Variants in CNST observed in about 807,000 individuals in gnomAD.
CNST encodes consortin.
In CNST, 39 loss-of-function variants were observed where a neutral mutation model predicts 72.4. The ratio of observed to expected loss-of-function variants is 0.54; its 90% CI spans 0.42 to 0.70. The LOEUF is 0.70. CNST is among the 30% of genes least tolerant of loss of function. The probability of loss-of-function intolerance (pLI) is 0.00; values close to 1 mark genes in which losing one functional copy is unlikely to be tolerated. For synonymous variants in CNST, 332 were observed against 320.1 expected, an observed-to-expected ratio of 1.04 and a Z score of -0.40; for missense variants, 871 against 868.5, an observed-to-expected ratio of 1.00 and a Z score of -0.04.
At chr1:246,624,117 A>C (rs1467548311) in intron 3 of CNST, among the ~76,000 whole-genome samples, 2 of 152,184 alleles carry the variant, frequency 1.3e-5, no homozygotes, top group Non-Finnish European at 2.9e-5. Context: ...GAAAATGTAT[A>C]CTTTTACAAA....
intron 2 of CNST, among the ~76,000 whole-genome samples, chr1:246,598,421 C>T (rs2103034926): frequency 6.6e-6 from 1 of 152,146 alleles, no homozygotes; most frequent in South Asian, 2.1e-4. Context: ...TTAATACTGT[C>T]TCTTTTCAGA....
At chr1:246,608,299 C>A (rs539900844) in intron 2 of CNST, among the ~76,000 whole-genome samples, 1 of 152,276 alleles carries the variant, frequency 6.6e-6, no homozygotes, top group African/African-American at 2.4e-5. Context: ...ATGATCCTGC[C>A]ACTGTACTGT....
At chr1:246,598,870 G>A (rs1401798571) in intron 2 of CNST, among the ~76,000 whole-genome samples, 2 of 152,250 alleles carry the variant, frequency 1.3e-5, no homozygotes, top group Non-Finnish European at 2.9e-5. Context: ...GTAGATAGAC[G>A]GACAGTTTAA....
At chr1:246,605,544 A>G (rs2103046449) in intron 2 of CNST, among the ~76,000 whole-genome samples, 1 of 152,248 alleles carries the variant, frequency 6.6e-6, no homozygotes, top group East Asian at 1.9e-4. Context: ...GCGCCACATG[A>G]GGACGGGGCA....
chr1:246,646,279 C>CAAA (rs550697329), intron 8 of CNST, among the ~76,000 whole-genome samples: 7,332 of 99,272 alleles, frequency 0.074, 383 homozygotes, highest in Middle Eastern at 0.14. Context: ...AACTCCGTCT[C>CAAA]AAAAAAAAAA....
chr1:246,568,307 A>T (rs1659850499), intron 1 of CNST, among the ~76,000 whole-genome samples: 1 of 152,078 alleles, frequency 6.6e-6, no homozygotes, highest in Non-Finnish European at 1.5e-5. Context: ...GAGTGTTATT[A>T]TTTTCTCTTG....
rs939744092 is a variant in CNST, at chr1:246,645,504, A to T, written c.938-1635A>T. Among the ~76,000 whole-genome samples, 30 of 143,554 alleles carry T rather than the reference A, an allele frequency of 2.1e-4. 1 individual carries two copies. In the South Asian group the frequency reaches 3.4e-3, roughly 16 times the overall value. 94.2% of individuals were successfully genotyped at this position (143,554 alleles called of 152,430 possible). A position where few individuals can be genotyped will look rare whatever the true frequency, so the allele number is the denominator to read the frequency against. On this transcript the variant is annotated intron_variant, in intron 8 of 10. Transcript: ENST00000366513. ...GTGCAGTGGCGCAATCTCGGCTCAC[A>T]GCAAGCTCCGCCTCCCGGGTTCACG...
chr1:246,646,539 G>A (rs2103131495), intron 8 of CNST, among the ~76,000 whole-genome samples: 1 of 152,202 alleles, frequency 6.6e-6, no homozygotes, highest in South Asian at 2.1e-4. Context: ...GGAGTGCAAT[G>A]GCGTGATCTC....
chr1:246,634,338 C>T, intron 5 of CNST, 135 bp from the exon 6 acceptor site: 1 of 584,418 alleles, frequency 1.7e-6, no homozygotes, highest in Non-Finnish European at 3.0e-6. Flanking sequence ...TTAGTTATTT[C>T]TAACTGTTGG....
intron 10 of CNST, among the ~76,000 whole-genome samples, chr1:246,662,848 T>C (rs1431505931): frequency 1.3e-5 from 2 of 152,214 alleles, no homozygotes; most frequent in Non-Finnish European, 2.9e-5. Flanking sequence ...ACCAGCTACA[T>C]GTCAAGTGCC....
chr1:246,581,398 G>A (rs1660774651), intron 1 of CNST, among the ~76,000 whole-genome samples: 2 of 152,204 alleles, frequency 1.3e-5, no homozygotes. Context: ...CGAGTAGCTG[G>A]AATTACAGGC....
At chr1:246,629,421 T>C (rs1002282913) in intron 3 of CNST, among the ~76,000 whole-genome samples, 1 of 152,228 alleles carries the variant, frequency 6.6e-6, no homozygotes, top group African/African-American at 2.4e-5. Flanking sequence ...AGGCACTGGG[T>C]TTCATAACCT....
intron 9 of CNST, among the ~76,000 whole-genome samples, chr1:246,659,608 AT>A (rs1174667179): frequency 7.3e-5 from 11 of 151,558 alleles, no homozygotes; most frequent in African/African-American, 2.7e-4. Context: ...AAAAAAAAAA[AT>A]GTCCCTAGTA....
At chr1:246,656,319 T>A (rs1345153182) in intron 9 of CNST, among the ~76,000 whole-genome samples, 1 of 152,240 alleles carries the variant, frequency 6.6e-6, no homozygotes, top group African/African-American at 2.4e-5. Flanking sequence ...CACAACTAGT[T>A]CATTCTGAAA....
At chr1:246,578,557 G>C (rs1660585102) in intron 1 of CNST, among the ~76,000 whole-genome samples, 1 of 152,084 alleles carries the variant, frequency 6.6e-6, no homozygotes, top group Admixed American at 6.6e-5. Context: ...TGTAGTCCCA[G>C]CTACTCGGGA....
chr1:246,600,257 A>T (rs1430294984), intron 2 of CNST, among the ~76,000 whole-genome samples: 1 of 152,228 alleles, frequency 6.6e-6, no homozygotes, highest in East Asian at 1.9e-4. Context: ...AATAGTAGAG[A>T]GTAGAGCAGT....
Position 246,591,624 on chromosome 1 carries a change from C to G in CNST, c.62C>G (p.Pro21Arg). Residue 21 changes from proline to arginine, a missense_variant, in exon 2 of 11, where the codon CCT (proline) becomes CGT (arginine). Transcript: ENST00000366513. ...ATAGAACCACAAGATGGATGTCATC[C>G]TGGTGACAGCGTGGAAAGGAGTGTG... ...LQIEPQDGCH[P>R]GDSVERSVTC... 1 of 1,614,132 alleles carries G rather than the reference C, an allele frequency of 6.2e-7. No individual in the cohort carries two copies. Among genetic ancestry groups the G allele is most frequent in the Non-Finnish European group, 8.5e-7 (1 of 1,179,990 alleles).
intron 1 of CNST, among the ~76,000 whole-genome samples, chr1:246,590,777 T>A (rs1226856506): frequency 6.6e-6 from 1 of 151,780 alleles, no homozygotes; most frequent in Non-Finnish European, 1.5e-5. Flanking sequence ...TTGTAAATTT[T>A]AAAAATATTA....
rs552248434 is a variant in CNST at position 246,638,241 on chromosome 1, C to A, written c.819-3508C>A. ...TTTTGGAGGTTCTGGACCTGGAAGT[C>A]CTCCTTTTCTTCTGAGGAGTAAAGA... On this transcript the variant is annotated intron_variant, in intron 6 of 10. Transcript: ENST00000366513. Among the ~76,000 whole-genome samples, 644 of 152,258 alleles carry A rather than the reference C, an allele frequency of 4.2e-3. 5 individuals carry two copies. The highest frequency in any genetic ancestry group is 6.4e-3 in the Non-Finnish European group (435 of 68,006).
Sources: gnomAD v4.1 joint callset for allele counts (sites outside exome capture counted in the v4.1 genomes callset) on GRCh38, gnomAD v4.1.1 for gene constraint, MANE v1.5 for transcripts, NCBI Gene and HGNC (gene_info 2026-07-23, HGNC 2026-07-21) for gene names.